The following LRRC4C variants were observed in gnomAD, a reference collection of about 807,000 sequenced individuals.
LRRC4C encodes leucine-rich repeat-containing protein 4C.
LRRC4C carries 5 observed loss-of-function variants against 33.6 expected under a neutral mutation model. The ratio of observed to expected loss-of-function variants is 0.15; its 90% CI spans 0.08 to 0.31. LRRC4C has a LOEUF of 0.31. LRRC4C is among the 10% of genes least tolerant of loss of function. LRRC4C has a pLI of 1.00. For synonymous variants in LRRC4C, 329 were observed against 302.0 expected, an observed-to-expected ratio of 1.09 and a Z score of -0.93; for missense variants, 560 against 796.7, an observed-to-expected ratio of 0.70 and a Z score of 3.58.
chr11:41,064,399 C>T (rs751707299), intron 1 of LRRC4C, among the ~76,000 whole-genome samples: 1 of 152,036 alleles, frequency 6.6e-6, no homozygotes, highest in Non-Finnish European at 1.5e-5. Flanking sequence ...TTGTGTTTGA[C>T]AAATAGGAAA....
chr11:41,231,832 T>C (rs1947815268), intron 1 of LRRC4C, among the ~76,000 whole-genome samples: 1 of 151,898 alleles, frequency 6.6e-6, no homozygotes, highest in African/African-American at 2.4e-5. Context: ...CATATATGTA[T>C]ATATATACAC....
intron 1 of LRRC4C, among the ~76,000 whole-genome samples, chr11:41,407,553 T>C (rs1015490437): frequency 6.6e-6 from 1 of 152,152 alleles, no homozygotes; most frequent in East Asian, 1.9e-4. Context: ...CCTCCCACCT[T>C]GGCCTCCTAA....
At chr11:40,592,261 G>C (rs1959093668) in intron 3 of LRRC4C, among the ~76,000 whole-genome samples, 3 of 152,148 alleles carry the variant, frequency 2.0e-5, no homozygotes. Context: ...TGCAGAGAAG[G>C]TTTTCTCTAT....
At chr11:40,730,955 A>G (rs1947546221) in intron 2 of LRRC4C, among the ~76,000 whole-genome samples, 2 of 152,218 alleles carry the variant, frequency 1.3e-5, no homozygotes, top group African/African-American at 4.8e-5. Flanking sequence ...GTTTGTCTCA[A>G]GGGGGTGGAA....
intron 1 of LRRC4C, among the ~76,000 whole-genome samples, chr11:41,430,936 C>T (rs1191771503): frequency 1.3e-5 from 2 of 152,010 alleles, no homozygotes; most frequent in African/African-American, 4.8e-5. Context: ...TAAAGTAATA[C>T]ACAAAATCTT....
In LRRC4C at chr11:40,641,262, T is replaced by A. The variant is rs1023551986; in HGVS notation, c.-270+6880A>T. Among the ~76,000 whole-genome samples, 8 of 152,268 alleles carry A rather than the reference T, an allele frequency of 5.3e-5. No individual in the cohort carries two copies. The East Asian group carries it at 1.5e-3, about 29-fold the overall frequency. Reference sequence around the variant, plus strand: ...AGCCTAATTTTCTATATAGGGAACCTATCAAAGTGAATTTCTATAAAATGA... The same window carrying A: ...AGCCTAATTTTCTATATAGGGAACCAATCAAAGTGAATTTCTATAAAATGA... On this transcript the variant is annotated intron_variant, in intron 3 of 6. Coordinates refer to ENST00000528697, the MANE Select transcript of LRRC4C (RefSeq NM_001258419.2).
chr11:40,268,961 T>C (rs1163992671), intron 4 of LRRC4C, among the ~76,000 whole-genome samples: 1 of 152,202 alleles, frequency 6.6e-6, no homozygotes, highest in African/African-American at 2.4e-5. Context: ...TCGCCCTGTT[T>C]AAGGCCGTTT....
intron 3 of LRRC4C, among the ~76,000 whole-genome samples, chr11:40,575,223 A>C (rs1228121331): frequency 6.6e-6 from 1 of 152,176 alleles, no homozygotes; most frequent in African/African-American, 2.4e-5. Context: ...GCAAACAAAA[A>C]AATAAAATAA....
At chr11:41,337,307 T>C (rs1038012352) in intron 1 of LRRC4C, among the ~76,000 whole-genome samples, 1 of 152,262 alleles carries the variant, frequency 6.6e-6, no homozygotes, top group East Asian at 1.9e-4. Flanking sequence ...TGACCTCTCA[T>C]AGTGTTGAGA....
intron 4 of LRRC4C, among the ~76,000 whole-genome samples, chr11:40,243,602 CTT>C (rs1866087877): frequency 6.6e-6 from 1 of 150,654 alleles, no homozygotes; most frequent in Non-Finnish European, 1.5e-5. Flanking sequence ...ATGTATATCA[CTT>C]TTTTAATTGA....
chr11:40,838,568 C>A (rs1952781896), intron 2 of LRRC4C, among the ~76,000 whole-genome samples: 1 of 152,074 alleles, frequency 6.6e-6, no homozygotes. Flanking sequence ...TGCATAAATT[C>A]TGCTCTATTA....
intron 1 of LRRC4C, among the ~76,000 whole-genome samples, chr11:41,041,520 T>C (rs984710238): frequency 8.0e-5 from 12 of 150,168 alleles, no homozygotes; most frequent in African/African-American, 2.9e-4. Flanking sequence ...TAGACTTGCA[T>C]AGTACTCTAG....
intron 1 of LRRC4C, among the ~76,000 whole-genome samples, chr11:41,368,071 G>C (rs1277850654): frequency 6.6e-6 from 1 of 152,090 alleles, no homozygotes; most frequent in Non-Finnish European, 1.5e-5. Context: ...TATTGAGTTA[G>C]CATTTCATCT....
At chr11:41,446,638 G>A (rs969532922) in intron 1 of LRRC4C, among the ~76,000 whole-genome samples, 1 of 152,096 alleles carries the variant, frequency 6.6e-6, no homozygotes, top group Non-Finnish European at 1.5e-5. Flanking sequence ...TATCCTTGTA[G>A]GTTATGTAAT....
In LRRC4C at chr11:40,184,392, C is replaced by T. The variant is rs116221900; in HGVS notation, c.-95-43539G>A. On this transcript the variant is annotated intron_variant, in intron 5 of 6. Transcript: ENST00000528697. The stretch of plus-strand genomic sequence containing the variant: ...CTTACCACAAATTGTCTCTTTTGAG[C>T]GGATTAGAGGGATGAAAATAGAATA... 6.8e-3 allele frequency among the ~76,000 whole-genome samples: 1,031 copies of T among 152,066 alleles called. 15 individuals are homozygous for T. The highest frequency in any genetic ancestry group is 0.023 in the African/African-American group (952 of 41,476).
At chr11:40,205,497 A>G (rs1863079646) in intron 5 of LRRC4C, among the ~76,000 whole-genome samples, 1 of 152,076 alleles carries the variant, frequency 6.6e-6, no homozygotes, top group South Asian at 2.1e-4. Flanking sequence ...TTTTTTCTAG[A>G]CTACAGTCAT....
At chr11:40,972,797 G>A (rs954628791) in intron 1 of LRRC4C, among the ~76,000 whole-genome samples, 7 of 152,124 alleles carry the variant, frequency 4.6e-5, no homozygotes, top group African/African-American at 1.7e-4. Flanking sequence ...CCTAACATGT[G>A]GGGATTACAA....
At chr11:40,595,630 A>G (rs1435071580) in intron 3 of LRRC4C, among the ~76,000 whole-genome samples, 1 of 152,028 alleles carries the variant, frequency 6.6e-6, no homozygotes, top group Non-Finnish European at 1.5e-5. Context: ...TTAGGCCAAT[A>G]TATTTTGAAA....
chr11:41,060,675 G>T (rs1388017975), intron 1 of LRRC4C, among the ~76,000 whole-genome samples: 2 of 152,084 alleles, frequency 1.3e-5, no homozygotes, highest in African/African-American at 2.4e-5. Context: ...AGGGCTTCAA[G>T]ATATATATAT....
Sources: gnomAD v4.1 joint callset for allele counts (sites outside exome capture counted in the v4.1 genomes callset) on GRCh38, gnomAD v4.1.1 for gene constraint, MANE v1.5 for transcripts, NCBI Gene and HGNC (gene_info 2026-07-23, HGNC 2026-07-21) for gene names.